Variants in PGCKA1 observed in about 807,000 individuals in gnomAD.
PGCKA1 encodes the protein PDCD10 and GCKIII kinases associated 1.
At chr4:37,527,109 A>C in the PGCKA1 span, among the ~76,000 whole-genome samples, 1 of 151,996 alleles carries the variant, frequency 6.6e-6, no homozygotes, top group East Asian at 1.9e-4. Context: ...AAAAAAATTA[A>C]TTAAAAAAGG....
chr4:37,462,308 G>A, the PGCKA1 span, among the ~76,000 whole-genome samples: 1 of 152,186 alleles, frequency 6.6e-6, no homozygotes, highest in African/African-American at 2.4e-5. Context: ...ACACAGACTT[G>A]GAGATGTGAT....
the PGCKA1 span, among the ~76,000 whole-genome samples, chr4:37,475,283 A>G: frequency 2.0e-5 from 3 of 152,124 alleles, no homozygotes; most frequent in African/African-American, 4.8e-5. Context: ...CATAGAAACA[A>G]TGCTCCTTTT....
At chr4:37,591,126 C>A in the PGCKA1 span, 3 of 743,344 alleles carry the variant, frequency 4.0e-6, no homozygotes, top group East Asian at 7.9e-5. Flanking sequence ...TTGTTTACAT[C>A]CAGCATCTGT....
the PGCKA1 span, among the ~76,000 whole-genome samples, chr4:37,535,490 C>T: frequency 6.6e-6 from 1 of 152,106 alleles, no homozygotes; most frequent in Admixed American, 6.5e-5. Flanking sequence ...TCCTAAGAGC[C>T]AGGGAGGGAG....
At chr4:37,479,865 T>G in the PGCKA1 span, among the ~76,000 whole-genome samples, 2 of 152,216 alleles carry the variant, frequency 1.3e-5, no homozygotes, top group Non-Finnish European at 2.9e-5. Flanking sequence ...ATTTGTGCTG[T>G]GGAGAACTCA....
At chr4:37,564,777 G>A in the PGCKA1 span, among the ~76,000 whole-genome samples, 1 of 152,060 alleles carries the variant, frequency 6.6e-6, no homozygotes, top group African/African-American at 2.4e-5. Flanking sequence ...AAAGTGCTGG[G>A]ATTAAAGGTG....
At chr4:37,485,393 G>A in the PGCKA1 span, among the ~76,000 whole-genome samples, 1 of 152,034 alleles carries the variant, frequency 6.6e-6, no homozygotes, top group East Asian at 1.9e-4. Flanking sequence ...TCGTTATCTT[G>A]GGATTTCTGA....
chr4:37,463,810 C>CAAA, the PGCKA1 span, among the ~76,000 whole-genome samples: 4 of 128,252 alleles, frequency 3.1e-5, no homozygotes, highest in Middle Eastern at 4.0e-3. Flanking sequence ...TTTATATAAC[C>CAAA]AAAAAAAAAA....
At chr4:37,590,477 G>A in the PGCKA1 span, 2 of 1,610,828 alleles carry the variant, frequency 1.2e-6, no homozygotes, top group Non-Finnish European at 1.7e-6. Flanking sequence ...GAAGGAGGGG[G>A]CACCAGGAAA....
the PGCKA1 span, among the ~76,000 whole-genome samples, chr4:37,556,249 T>C: frequency 2.4e-5 from 3 of 127,654 alleles, no homozygotes; most frequent in African/African-American, 9.5e-5. Context: ...ATTTTCTTTT[T>C]CTTTTTTTTG....
the PGCKA1 span, among the ~76,000 whole-genome samples, chr4:37,469,002 T>C: frequency 2.0e-5 from 3 of 152,342 alleles, no homozygotes; most frequent in East Asian, 5.8e-4. Context: ...ATACCTCTTA[T>C]ACAATGTTGG....
At chr4:37,554,682 T>G in the PGCKA1 span, among the ~76,000 whole-genome samples, 1 of 152,206 alleles carries the variant, frequency 6.6e-6, no homozygotes, top group African/African-American at 2.4e-5. Context: ...TACCTTTATT[T>G]TGGAATTTTT....
chr4:37,497,371 T>C, the PGCKA1 span, among the ~76,000 whole-genome samples: 2 of 152,168 alleles, frequency 1.3e-5, no homozygotes, highest in Non-Finnish European at 2.9e-5. Flanking sequence ...GATTTTGCAA[T>C]TGTGAATTGT....
At chr4:37,460,357 A>G in the PGCKA1 span, 1 of 267,470 alleles carries the variant, frequency 3.7e-6, no homozygotes, top group Non-Finnish European at 7.4e-6. Flanking sequence ...ATACCCAATA[A>G]TGAGATTGCT....
the PGCKA1 span, among the ~76,000 whole-genome samples, chr4:37,572,288 G>A: frequency 6.7e-6 from 1 of 150,148 alleles, no homozygotes; most frequent in Non-Finnish European, 1.5e-5. Context: ...GGATGGTCTC[G>A]ATCTCCTGAC....
At chr4:37,466,986 T>G in the PGCKA1 span, among the ~76,000 whole-genome samples, 1 of 152,064 alleles carries the variant, frequency 6.6e-6, no homozygotes, top group Admixed American at 6.6e-5. Flanking sequence ...TAATCCCAGC[T>G]ACTTGGGAGG....
At chr4:37,569,727 G>A in the PGCKA1 span, among the ~76,000 whole-genome samples, 1 of 152,028 alleles carries the variant, frequency 6.6e-6, no homozygotes, top group Admixed American at 6.6e-5. Flanking sequence ...GGAAATAATC[G>A]GGTTAAACAG....
chr4:37,477,021 A>G, the PGCKA1 span, among the ~76,000 whole-genome samples: 1 of 152,206 alleles, frequency 6.6e-6, no homozygotes, highest in African/African-American at 2.4e-5. Context: ...ACAGAATTAC[A>G]GTATTCATCA....
chr4:37,527,098 A>T, the PGCKA1 span, among the ~76,000 whole-genome samples: 3 of 121,526 alleles, frequency 2.5e-5, no homozygotes, highest in East Asian at 4.4e-4. Flanking sequence ...TTTTTTAATT[A>T]AAAAAAATTA....
Sources: gnomAD v4.1 joint callset for allele counts (sites outside exome capture counted in the v4.1 genomes callset) on GRCh38, gnomAD v4.1.1 for gene constraint, MANE v1.5 for transcripts, NCBI Gene and HGNC (gene_info 2026-07-23, HGNC 2026-07-21) for gene names.